Variants in SACM1L observed in about 807,000 individuals in gnomAD.
SACM1L encodes the protein phosphatidylinositol-3-phosphatase SAC1.
Under a neutral mutation model 89.5 loss-of-function variants are expected in SACM1L, and 32 were observed. The observed-to-expected ratio is 0.36, with a 90% confidence interval of 0.27 to 0.48. SACM1L has a LOEUF of 0.48. Among genes scored for constraint, SACM1L ranks in the 20% least tolerant of loss-of-function variants. The pLI, the probability that SACM1L is intolerant of heterozygous loss-of-function variation, is 0.99. For synonymous variants in SACM1L, 213 were observed against 232.8 expected, an observed-to-expected ratio of 0.92 and a Z score of 0.77; for missense variants, 543 against 708.5, an observed-to-expected ratio of 0.77 and a Z score of 2.65.
intron 1 of SACM1L, among the ~76,000 whole-genome samples, chr3:45,691,364 C>T (rs982588650): frequency 6.6e-6 from 1 of 152,114 alleles, no homozygotes; most frequent in African/African-American, 2.4e-5. Flanking sequence ...GCCCTTCCTG[C>T]TCTGAGGCTG....
At chr3:45,718,445 C>T (rs1427354209) in intron 7 of SACM1L, among the ~76,000 whole-genome samples, 1 of 152,100 alleles carries the variant, frequency 6.6e-6, no homozygotes, top group Non-Finnish European at 1.5e-5. Context: ...TTCAGAGATG[C>T]TAGTGGGTAC....
Position 45,713,183 on chromosome 3 carries a change from C to T in SACM1L, c.530C>T (p.Ser177Phe). 6.2e-7 allele frequency: 1 copy of T among 1,612,252 alleles called. No homozygotes were observed. Among genetic ancestry groups the T allele is most frequent in the African/African-American group, 1.3e-5 (1 of 75,004 alleles). Residue 177 changes from serine to phenylalanine, a missense_variant, in exon 6 of 20, where the codon TCT becomes TTT. This residue lies in a region of SACM1L where 370 missense variants were observed against 527.6 expected (regional missense o/e 0.70). Coordinates refer to ENST00000389061, the MANE Select transcript of SACM1L (RefSeq NM_014016.5). ...VWNGHLLRELSAQPEVHRFAL... is the reference protein window; with the variant it reads ...VWNGHLLRELFAQPEVHRFAL... ...AATGGTCATCTTCTAAGAGAACTTT[C>T]TGCACAGCCAGAGGTAATGTACACG...
chr3:45,691,598 G>GGT (rs1553649094), intron 1 of SACM1L, among the ~76,000 whole-genome samples: 3 of 150,150 alleles, frequency 2.0e-5, no homozygotes, highest in Non-Finnish European at 4.4e-5. Context: ...TGAAATGCTT[G>GGT]TTTTTTTTTT....
intron 11 of SACM1L, among the ~76,000 whole-genome samples, chr3:45,724,475 C>T (rs1698869936): frequency 6.6e-6 from 1 of 152,018 alleles, no homozygotes. Context: ...TATGTAAATC[C>T]TTTCGCTATT....
At chr3:45,703,017 A>C (rs566741487) in intron 1 of SACM1L, among the ~76,000 whole-genome samples, 9 of 152,196 alleles carry the variant, frequency 5.9e-5, no homozygotes, top group Non-Finnish European at 1.3e-4. Context: ...TTTAATTCAC[A>C]CGATGCTGCG....
chr3:45,691,679 A>C (rs1208663968), intron 1 of SACM1L, among the ~76,000 whole-genome samples: 3 of 151,362 alleles, frequency 2.0e-5, no homozygotes, highest in Non-Finnish European at 4.4e-5. Flanking sequence ...CAGTGGTTTG[A>C]TCATAGCTCA....
chr3:45,703,538 A>G lies in SACM1L; in HGVS notation c.130+3A>G. ...GTCCACAGAGGTTACCCTTGCAGGTATTTTACAGCCAGATTTAGAAGTTTA... is the reference window on the plus strand; with the variant it reads ...GTCCACAGAGGTTACCCTTGCAGGTGTTTTACAGCCAGATTTAGAAGTTTA... On this transcript the variant is annotated splice_donor_region_variant and intron_variant, in intron 2 of 19. Transcript: ENST00000389061. 1 of 1,587,852 alleles carries G rather than the reference A, an allele frequency of 6.3e-7. No individual in the cohort carries two copies.
chr3:45,696,927 A>G (rs913005170), intron 1 of SACM1L, among the ~76,000 whole-genome samples: 1 of 152,190 alleles, frequency 6.6e-6, no homozygotes, highest in African/African-American at 2.4e-5. Context: ...TTTTTAAAAA[A>G]CACTCTTAAG....
At chr3:45,738,703 A>T in intron 17 of SACM1L, 32 bp downstream of exon 17, 1 of 1,538,762 alleles carries the variant, frequency 6.5e-7, no homozygotes, top group Non-Finnish European at 9.0e-7. Flanking sequence ...TCCTGGCATT[A>T]CGTGGTTGTA....
rs1294373905 is a variant in SACM1L at position 45,732,995 on chromosome 3, C to CT, written c.1100+851dup. Among the ~76,000 whole-genome samples the CT allele has an allele frequency of 2.6e-5, 4 of 152,294 alleles. No individual in the cohort carries two copies. The East Asian group carries it at 7.7e-4, about 29-fold the overall frequency. On this transcript the variant is annotated intron_variant, in intron 13 of 19. Coordinates refer to ENST00000389061, the MANE Select transcript of SACM1L (RefSeq NM_014016.5). ...AATCAACTACAGTTATTTAAATCTG[C>CT]TTTTTTTCTGTGACGTTTTGCCATG...
At chr3:45,710,453 A>C (rs1227054070) in intron 5 of SACM1L, among the ~76,000 whole-genome samples, 1 of 149,766 alleles carries the variant, frequency 6.7e-6, no homozygotes, top group African/African-American at 2.5e-5. Context: ...TCATCCTCCC[A>C]AAGTGCTGGG....
intron 2 of SACM1L, among the ~76,000 whole-genome samples, chr3:45,704,111 G>A (rs374022194): frequency 1.3e-5 from 2 of 152,204 alleles, no homozygotes; most frequent in African/African-American, 4.8e-5. Context: ...TCACTTGTGT[G>A]GAACACCCTG....
At chr3:45,736,767 C>G (rs767540573) in intron 14 of SACM1L, among the ~76,000 whole-genome samples, 5 of 152,150 alleles carry the variant, frequency 3.3e-5, no homozygotes, top group African/African-American at 1.2e-4. Flanking sequence ...ACCTAACCAA[C>G]CTGCAGAGAG....
intron 3 of SACM1L, among the ~76,000 whole-genome samples, chr3:45,705,416 A>G (rs1370630121): frequency 6.6e-6 from 1 of 152,126 alleles, no homozygotes; most frequent in Non-Finnish European, 1.5e-5. Context: ...ATTTAAAAAA[A>G]AGTTTTGTAT....
At chr3:45,712,318 C>T (rs1360826135) in intron 5 of SACM1L, among the ~76,000 whole-genome samples, 1 of 152,188 alleles carries the variant, frequency 6.6e-6, no homozygotes, top group African/African-American at 2.4e-5. Flanking sequence ...GATCTTGGCT[C>T]ATTGCAGCCT....
At chr3:45,689,740 G>A in intron 1 of SACM1L, 1 of 595,950 alleles carries the variant, frequency 1.7e-6, no homozygotes, top group Non-Finnish European at 3.0e-6. Flanking sequence ...GCTGAAGAGA[G>A]AAGCTGCCGA....
chr3:45,705,310 T>A (rs1410181222), intron 3 of SACM1L, 101 bp downstream of exon 3: 1 of 611,808 alleles, frequency 1.6e-6, no homozygotes, highest in African/African-American at 1.9e-5. Flanking sequence ...CTTTGTATCA[T>A]GCTTTAAGCA....
At chr3:45,694,802 C>G (rs1698084815) in intron 1 of SACM1L, among the ~76,000 whole-genome samples, 1 of 152,122 alleles carries the variant, frequency 6.6e-6, no homozygotes, top group African/African-American at 2.4e-5. Context: ...GAAGAGAATT[C>G]TTTGGAAGAT....
chr3:45,704,071 T>C (rs925676877), intron 2 of SACM1L, among the ~76,000 whole-genome samples: 3 of 152,202 alleles, frequency 2.0e-5, no homozygotes, highest in African/African-American at 7.2e-5. Context: ...TGGTTATGCT[T>C]TTCTGGGATG....
Sources: gnomAD v4.1 joint callset for allele counts (sites outside exome capture counted in the v4.1 genomes callset) on GRCh38, gnomAD v4.1.1 for gene constraint, gnomAD v4.1.1 regional missense constraint, MANE v1.5 for transcripts, NCBI Gene and HGNC (gene_info 2026-07-23, HGNC 2026-07-21) for gene names.